The following GLI3 variants were observed in gnomAD, a reference collection of about 807,000 sequenced individuals.
The protein encoded by GLI3 is GLI family zinc finger 3.
GLI3 carries 20 observed loss-of-function variants against 100.8 expected under a neutral mutation model. That is an observed-to-expected ratio of 0.20 (90% CI 0.14 to 0.29). The LOEUF (loss-of-function observed/expected upper bound fraction) is 0.29. Among genes scored for constraint, GLI3 ranks in the 10% least tolerant of loss-of-function variants. The pLI, the probability that GLI3 is intolerant of heterozygous loss-of-function variation, is 1.00. For synonymous variants in GLI3, 938 were observed against 860.5 expected (o/e 1.09, Z -1.58); for missense variants, 2,040 against 2,128.5 (o/e 0.96, Z 0.82).
At chr7:42,011,430 G>A (rs1047032705) in intron 10 of GLI3, among the ~76,000 whole-genome samples, 16 of 152,208 alleles carry the variant, frequency 1.1e-4, no homozygotes, top group African/African-American at 3.9e-4. Flanking sequence ...CAAAAGAACT[G>A]AAAACAGGTG....
chr7:42,021,450 A>G (rs547569641), intron 10 of GLI3, among the ~76,000 whole-genome samples: 15 of 152,198 alleles, frequency 9.9e-5, no homozygotes, highest in Non-Finnish European at 2.1e-4. Flanking sequence ...AACTACTCAG[A>G]TCTCTCTATT....
intron 7 of GLI3, among the ~76,000 whole-genome samples, chr7:42,032,614 T>C (rs1431274602): frequency 1.3e-5 from 2 of 152,204 alleles, no homozygotes; most frequent in Non-Finnish European, 2.9e-5. Context: ...AGGAATTCTA[T>C]ATAAGGCAGG....
intron 1 of GLI3, among the ~76,000 whole-genome samples, chr7:42,256,153 A>T (rs6463098): frequency 0.12 from 17,889 of 152,110 alleles, 2,434 homozygotes; most frequent in African/African-American, 0.33. Context: ...AATGTTTTTT[A>T]ATCTTATTGT....
chr7:42,063,328 C>T lies in GLI3; in HGVS notation c.473+13424G>A, dbSNP rs940804071. Among the ~76,000 whole-genome samples the T allele has an allele frequency of 2.0e-5, 3 of 152,078 alleles. No individual in the cohort carries two copies. In the South Asian group the frequency reaches 6.2e-4, roughly 32 times the overall value. On this transcript the variant is annotated intron_variant, in intron 4 of 14. Transcript: ENST00000395925. ...ATACATATGACATACTACATATCCT[C>T]AACTCTAAGATGTTACTGATCTAAA...
At chr7:42,072,864 T>A (rs1784810546) in intron 4 of GLI3, among the ~76,000 whole-genome samples, 1 of 152,208 alleles carries the variant, frequency 6.6e-6, no homozygotes, top group South Asian at 2.1e-4. Flanking sequence ...TAAAACATTA[T>A]ACTTCTTGCA....
intron 10 of GLI3, among the ~76,000 whole-genome samples, chr7:42,018,852 C>T (rs1015318571): frequency 3.3e-5 from 5 of 152,140 alleles, no homozygotes; most frequent in African/African-American, 7.2e-5. Flanking sequence ...GAGACTTGAA[C>T]GCCACCCAGT....
chr7:42,259,147 C>T (rs976481703), intron 1 of GLI3, among the ~76,000 whole-genome samples: 5 of 152,192 alleles, frequency 3.3e-5, no homozygotes, highest in Non-Finnish European at 5.9e-5. Context: ...GGAACGGTTT[C>T]GTTGTTTTTA....
At chr7:42,199,959 G>A (rs1788005372) in intron 2 of GLI3, among the ~76,000 whole-genome samples, 1 of 152,146 alleles carries the variant, frequency 6.6e-6, no homozygotes, top group South Asian at 2.1e-4. Context: ...GGGAGGCTGA[G>A]GCAGAAGAAT....
chr7:42,030,212 C>T (rs1789246517), intron 7 of GLI3, among the ~76,000 whole-genome samples: 1 of 152,156 alleles, frequency 6.6e-6, no homozygotes, highest in African/African-American at 2.4e-5. Flanking sequence ...TCCTCTGACC[C>T]TAACTTGCCT....
At chr7:42,175,815 C>T (rs1447122111) in intron 2 of GLI3, among the ~76,000 whole-genome samples, 3 of 152,078 alleles carry the variant, frequency 2.0e-5, no homozygotes, top group African/African-American at 7.2e-5. Context: ...CTGTACAAAA[C>T]CCTTTATCTC....
At chr7:42,025,980 A>T (rs1416954797) in intron 8 of GLI3, among the ~76,000 whole-genome samples, 4 of 152,238 alleles carry the variant, frequency 2.6e-5, no homozygotes, top group Admixed American at 2.6e-4. Flanking sequence ...TGCTATGCCC[A>T]TGGGAAAATG....
chr7:42,092,234 C>G (rs1000870919), intron 3 of GLI3, among the ~76,000 whole-genome samples: 3 of 152,190 alleles, frequency 2.0e-5, no homozygotes, highest in Non-Finnish European at 2.9e-5. Flanking sequence ...TGGATAAAGT[C>G]ATCTGAGAAA....
At chr7:42,257,368 T>G (rs1789095549) in intron 1 of GLI3, among the ~76,000 whole-genome samples, 1 of 150,568 alleles carries the variant, frequency 6.6e-6, no homozygotes, top group South Asian at 2.1e-4. Flanking sequence ...TTTTTTTTTT[T>G]TTTTTGAGAC....
chr7:42,186,287 G>A lies in GLI3; in HGVS notation c.124+36843C>T, dbSNP rs114028245. ...TCTTGGCATGGTATTATAACTGAAT[G>A]TTTAGGTACTGCGTTTCACCCTAGT... On this transcript the variant is annotated intron_variant, in intron 2 of 14. Transcript: ENST00000395925. Among the ~76,000 whole-genome samples the A allele has an allele frequency of 3.0e-3, 456 of 152,268 alleles. 2 individuals carry two copies. Among genetic ancestry groups the A allele is most frequent in the African/African-American group, 9.5e-3 (393 of 41,540 alleles).
chr7:42,085,069 G>C (rs951288748), intron 3 of GLI3, among the ~76,000 whole-genome samples: 2 of 151,670 alleles, frequency 1.3e-5, no homozygotes, highest in African/African-American at 4.8e-5. Context: ...CCACCACCAC[G>C]CCCGGCTAAT....
rs74543338 is a variant in GLI3, at chr7:41,962,881, T to C, written c.*1449A>G. On this transcript the variant is annotated 3_prime_UTR_variant, in exon 15 of 15. Transcript: ENST00000395925. ...GAGGTGTTAATATTTTAACAGTTTATATAATTTTTTAAAGCAATATGCTGG... is the reference window on the plus strand; with the variant it reads ...GAGGTGTTAATATTTTAACAGTTTACATAATTTTTTAAAGCAATATGCTGG... 3.4e-4 allele frequency: 52 copies of C among 152,354 alleles called. No homozygotes were observed. The highest frequency in any genetic ancestry group is 1.2e-3 in the African/African-American group (48 of 41,584). 9.4% of individuals were successfully genotyped at this position (152,354 alleles called of 1,614,324 possible). A position where few individuals can be genotyped will look rare whatever the true frequency, so the allele number is the denominator to read the frequency against.
chr7:42,257,301 T>C (rs1301140829), intron 1 of GLI3, among the ~76,000 whole-genome samples: 2 of 152,002 alleles, frequency 1.3e-5, no homozygotes, highest in Non-Finnish European at 2.9e-5. Context: ...TGGTGCAATG[T>C]TGAATGACAG....
At chr7:42,052,692 G>A (rs1015881015) in intron 4 of GLI3, among the ~76,000 whole-genome samples, 2 of 152,000 alleles carry the variant, frequency 1.3e-5, no homozygotes, top group Admixed American at 1.3e-4. Context: ...AAAAAAAAAA[G>A]TCCAAATGGC....
chr7:41,984,679 TA>T (rs1398188530), intron 10 of GLI3, among the ~76,000 whole-genome samples: 3 of 152,202 alleles, frequency 2.0e-5, no homozygotes, highest in South Asian at 2.1e-4. Context: ...TAAGCATTGC[TA>T]AAAACAGTGG....
Sources: gnomAD v4.1 joint callset for allele counts (sites outside exome capture counted in the v4.1 genomes callset) on GRCh38, gnomAD v4.1.1 for gene constraint, MANE v1.5 for transcripts, NCBI Gene and HGNC (gene_info 2026-07-23, HGNC 2026-07-21) for gene names.